The following PPP2R2B variants were observed in gnomAD, a reference collection of about 807,000 sequenced individuals.
PPP2R2B encodes the protein protein phosphatase 2 regulatory subunit Bbeta, also known as serine/threonine-protein phosphatase 2A 55 kDa regulatory subunit B beta isoform.
PPP2R2B carries 5 observed loss-of-function variants against 46.0 expected under a neutral mutation model. The observed-to-expected ratio is 0.11, with a 90% confidence interval of 0.06 to 0.23. The LOEUF (loss-of-function observed/expected upper bound fraction) is 0.23, where lower values mean the gene tolerates loss of function less well. Among genes scored for constraint, PPP2R2B ranks in the 10% least tolerant of loss-of-function variants. The pLI, the probability that PPP2R2B is intolerant of heterozygous loss-of-function variation, is 1.00. For synonymous variants in PPP2R2B, 215 were observed against 206.7 expected (o/e 1.04, Z -0.34); for missense variants, 367 against 575.0 (o/e 0.64, Z 3.70).
At chr5:146,631,308 G>A (rs918400915) in intron 7 of PPP2R2B, among the ~76,000 whole-genome samples, 9 of 152,204 alleles carry the variant, frequency 5.9e-5, no homozygotes, top group Non-Finnish European at 1.3e-4. Flanking sequence ...TAGAAAATAA[G>A]AGAACTGCCC....
intron 1 of PPP2R2B, among the ~76,000 whole-genome samples, chr5:146,939,196 T>C (rs1417796649): frequency 2.0e-5 from 3 of 152,150 alleles, no homozygotes; most frequent in African/African-American, 7.2e-5. Flanking sequence ...GGTGTGAAGA[T>C]TATTTGATTC....
chr5:146,761,614 T>C (rs570165126), intron 2 of PPP2R2B, among the ~76,000 whole-genome samples: 4 of 151,582 alleles, frequency 2.6e-5, no homozygotes, highest in Non-Finnish European at 5.9e-5. Context: ...ACTTAAAGTA[T>C]AGTAATAATA....
chr5:146,706,323 G>A (rs1015295250), intron 2 of PPP2R2B: 12 of 559,490 alleles, frequency 2.1e-5, no homozygotes, highest in African/African-American at 1.5e-4. Flanking sequence ...GCGCCAGAGC[G>A]AGAGCTGGAG....
At chr5:146,741,035 CA>C (rs34289574) in intron 2 of PPP2R2B, among the ~76,000 whole-genome samples, 21,216 of 142,456 alleles carry the variant, frequency 0.15, 1,916 homozygotes, top group East Asian at 0.35. Flanking sequence ...GACTCCGTCT[CA>C]AAAAAAAAAA....
chr5:146,598,597 T>C (rs1249073178), intron 8 of PPP2R2B, among the ~76,000 whole-genome samples: 3 of 152,220 alleles, frequency 2.0e-5, no homozygotes, highest in Admixed American at 6.5e-5. Flanking sequence ...GATTTTCTCA[T>C]CTAAATAACT....
chr5:146,814,803 C>T (rs916231527), intron 2 of PPP2R2B, among the ~76,000 whole-genome samples: 6 of 152,202 alleles, frequency 3.9e-5, no homozygotes, highest in Non-Finnish European at 7.4e-5. Flanking sequence ...AGAGGTATGA[C>T]AACATGGAAA....
intron 2 of PPP2R2B, among the ~76,000 whole-genome samples, chr5:146,773,868 T>C (rs966506117): frequency 1.3e-5 from 2 of 152,224 alleles, no homozygotes; most frequent in African/African-American, 4.8e-5. Flanking sequence ...CTGTTTTTCT[T>C]AGCACTTATT....
chr5:146,963,869 A>G (rs1467319086), intron 1 of PPP2R2B, among the ~76,000 whole-genome samples: 1 of 152,220 alleles, frequency 6.6e-6, no homozygotes, highest in African/African-American at 2.4e-5. Flanking sequence ...TTTCTCAAAT[A>G]TTGTATAAAA....
intron 2 of PPP2R2B, among the ~76,000 whole-genome samples, chr5:146,774,977 A>G (rs11167946): frequency 0.11 from 17,044 of 152,204 alleles, 1,309 homozygotes; most frequent in East Asian, 0.42. Context: ...TCAAGCAAGG[A>G]AATGAAATCA....
chr5:146,730,866 G>C lies in PPP2R2B; in HGVS notation c.71-29724C>G, dbSNP rs530258338. Among the ~76,000 whole-genome samples, 81 of 152,290 alleles carry C rather than the reference G, an allele frequency of 5.3e-4. 1 individual carries two copies. In the South Asian group the frequency reaches 0.017, roughly 31 times the overall value. ...AATTAAACTTATATCATTAAAAAGA[G>C]AGGTGATCAGGGAAGCCTGAATTGG... On this transcript the variant is annotated intron_variant, in intron 2 of 9. Transcript: ENST00000394411.
At chr5:146,838,950 T>C in intron 2 of PPP2R2B, among the ~76,000 whole-genome samples, 1 of 152,192 alleles carries the variant, frequency 6.6e-6, no homozygotes, top group East Asian at 1.9e-4. Context: ...GAAAAGTGAA[T>C]GTCCATCCTC....
At chr5:146,982,199 C>T (rs1490217964) in intron 1 of PPP2R2B, among the ~76,000 whole-genome samples, 1 of 152,176 alleles carries the variant, frequency 6.6e-6, no homozygotes, top group Non-Finnish European at 1.5e-5. Flanking sequence ...CTAATCTATA[C>T]ATTTAGTGCT....
At chr5:147,041,125 T>G (rs1317501020) in intron 1 of PPP2R2B, among the ~76,000 whole-genome samples, 4 of 152,144 alleles carry the variant, frequency 2.6e-5, no homozygotes, top group Non-Finnish European at 5.9e-5. Context: ...TTACACTAAT[T>G]CTCTGTGTGG....
chr5:146,759,356 T>C (rs1012677092), intron 2 of PPP2R2B, among the ~76,000 whole-genome samples: 2 of 152,348 alleles, frequency 1.3e-5, no homozygotes, highest in South Asian at 2.1e-4. Context: ...TGAAGATTAC[T>C]GAAAGCTTTG....
chr5:146,704,255 G>T (rs778810598), intron 2 of PPP2R2B, among the ~76,000 whole-genome samples: 3 of 152,094 alleles, frequency 2.0e-5, no homozygotes, highest in Non-Finnish European at 4.4e-5. Flanking sequence ...CATGCTCTTT[G>T]GTAAGGCAGT....
chr5:146,591,588 G>A (rs781290721), intron 9 of PPP2R2B, among the ~76,000 whole-genome samples: 66 of 151,482 alleles, frequency 4.4e-4, no homozygotes, highest in Middle Eastern at 3.4e-3. Context: ...GTATTCAGCC[G>A]GTTGGCCTCA....
At chr5:146,983,176 A>ATCTTTTT (rs1753254541) in intron 1 of PPP2R2B, among the ~76,000 whole-genome samples, 1 of 80,856 alleles carries the variant, frequency 1.2e-5, no homozygotes, top group Non-Finnish European at 2.2e-5. Context: ...TTTCCAGAGC[A>ATCTTTTT]TTTTTTTTTT....
intron 1 of PPP2R2B, among the ~76,000 whole-genome samples, chr5:146,977,402 T>A (rs1469946346): frequency 6.6e-6 from 1 of 152,044 alleles, no homozygotes; most frequent in Non-Finnish European, 1.5e-5. Flanking sequence ...ATACTTTAAG[T>A]TCCGGGATAC....
At chr5:147,015,127 C>T (rs577855392) in intron 1 of PPP2R2B, among the ~76,000 whole-genome samples, 6 of 152,092 alleles carry the variant, frequency 3.9e-5, no homozygotes, top group East Asian at 3.9e-4. Context: ...TTTTGTTCAC[C>T]GATGTTTCCT....
Sources: gnomAD v4.1 joint callset for allele counts (sites outside exome capture counted in the v4.1 genomes callset) on GRCh38, gnomAD v4.1.1 for gene constraint, MANE v1.5 for transcripts, NCBI Gene and HGNC (gene_info 2026-07-23, HGNC 2026-07-21) for gene names.